ATP6V1E1: variants seen among roughly 807,000 people sequenced by gnomAD.
ATP6V1E1 encodes the protein V-type proton ATPase subunit E 1.
In ATP6V1E1, 21 loss-of-function variants were observed where a neutral mutation model predicts 35.2. The observed-to-expected ratio is 0.60, with a 90% CI of 0.42 to 0.86. The LOEUF is 0.86. Among genes scored for constraint, ATP6V1E1 ranks in the 40% least tolerant of loss-of-function variants. The probability of loss-of-function intolerance (pLI) is 0.00; values close to 1 mark genes in which losing one functional copy is unlikely to be tolerated. For missense variants in ATP6V1E1, 183 were observed against 272.6 expected (o/e 0.67, Z 2.32); for synonymous variants, 83 against 87.8 (o/e 0.95, Z 0.30).
chr22:17,592,773 C>A, intron 8 of ATP6V1E1, 37 bp from the exon 9 acceptor site: 1 of 1,503,112 alleles, frequency 6.7e-7, no homozygotes, highest in Middle Eastern at 1.7e-4. Context: ...GCAATGTCAG[C>A]TGAAGAAGTT....
chr22:17,610,010 T>C (rs5992079), intron 4 of ATP6V1E1, among the ~76,000 whole-genome samples: 2 of 151,908 alleles, frequency 1.3e-5, no homozygotes, highest in African/African-American at 4.8e-5. Flanking sequence ...TCTTGCCTGT[T>C]ATCCCAGCTA....
intron 4 of ATP6V1E1, among the ~76,000 whole-genome samples, chr22:17,605,221 AAAG>A (rs1240082612): frequency 2.2e-5 from 3 of 135,466 alleles, no homozygotes; most frequent in African/African-American, 8.6e-5. Context: ...AAAAAAAAAA[AAAG>A]AAAAGAAAAG....
Position 17,613,277 on chromosome 22 carries a change from G to T in ATP6V1E1, c.143C>A (p.Thr48Asn). The T allele has an allele frequency of 6.2e-7, 1 of 1,613,642 alleles. No homozygotes were observed. Among genetic ancestry groups the T allele is most frequent in the Non-Finnish European group, 8.5e-7 (1 of 1,179,946 alleles). ...ATATTCCATAATCTTTAGTCTTTGGGTTTGCACAAGCCGACCTTTCTCTAT... is the reference window on the plus strand; with the variant it reads ...ATATTCCATAATCTTTAGTCTTTGGTTTTGCACAAGCCGACCTTTCTCTAT... ...FNIEKGRLVQ[T>N]QRLKIMEYYE... Residue 48 changes from threonine to asparagine, a missense_variant, in exon 3 of 9, where the codon ACC becomes AAC. Coordinates refer to ENST00000253413, the MANE Select transcript of ATP6V1E1 (RefSeq NM_001696.4).
intron 7 of ATP6V1E1, among the ~76,000 whole-genome samples, chr22:17,597,788 G>A (rs146969071): frequency 6.0e-5 from 9 of 151,196 alleles, no homozygotes; most frequent in Non-Finnish European, 1.3e-4. Context: ...GCGCCACCAC[G>A]CTCAGCTAAT....
Position 17,594,555 on chromosome 22 carries a change from T to A in ATP6V1E1, c.592A>T (p.Ser198Cys), listed in dbSNP as rs1342192072. Reference protein sequence around the residue: ...RKIKVSNTLESRLDLIAQQMM... With the variant: ...RKIKVSNTLECRLDLIAQQMM... Reference sequence around the variant, plus strand: ...TGCTGGGCTATGAGATCCAGCCGGCTTTCCAGGGTGTTGGAAACCTTTATT... The same window carrying A: ...TGCTGGGCTATGAGATCCAGCCGGCATTCCAGGGTGTTGGAAACCTTTATT... Residue 198 changes from serine (S) to cysteine (C), a missense_variant, in exon 8 of 9, where the codon AGC becomes TGC. By Grantham distance (112) the Ser-to-Cys change is moderately radical. Coordinates refer to ENST00000253413, the MANE Select transcript of ATP6V1E1 (RefSeq NM_001696.4). The A allele has an allele frequency of 9.4e-6, 15 of 1,595,052 alleles. No individual in the cohort carries two copies. Among genetic ancestry groups the A allele is most frequent in the African/African-American group, 1.3e-5 (1 of 74,502 alleles).
At chr22:17,602,597 A>T (rs2057767185) in intron 4 of ATP6V1E1, among the ~76,000 whole-genome samples, 1 of 152,072 alleles carries the variant, frequency 6.6e-6, no homozygotes, top group African/African-American at 2.4e-5. Flanking sequence ...GGATGGTCTC[A>T]ATCTCCTAAC....
chr22:17,611,256 A>G (rs1356797676), intron 4 of ATP6V1E1, among the ~76,000 whole-genome samples: 1 of 152,216 alleles, frequency 6.6e-6, no homozygotes, highest in Non-Finnish European at 1.5e-5. Flanking sequence ...AGTTGTCCTG[A>G]GCTAGTAACA....
At chr22:17,616,558 A>G (rs531779624) in intron 2 of ATP6V1E1, among the ~76,000 whole-genome samples, 1 of 151,792 alleles carries the variant, frequency 6.6e-6, no homozygotes, top group East Asian at 2.0e-4. Flanking sequence ...ATGCGCCTGT[A>G]GTCCCAGCTA....
At chr22:17,624,059 G>A (rs1265879124) in intron 1 of ATP6V1E1, among the ~76,000 whole-genome samples, 3 of 152,008 alleles carry the variant, frequency 2.0e-5, no homozygotes, top group Non-Finnish European at 4.4e-5. Context: ...ATACTCCCCA[G>A]GAAAAAAGCA....
rs534871003 is a variant in ATP6V1E1 at position 17,621,443 on chromosome 22, G to A, written c.34-1917C>T. Among the ~76,000 whole-genome samples, 69 of 152,182 alleles carry A rather than the reference G, an allele frequency of 4.5e-4. 3 individuals carry two copies. The South Asian group carries it at 0.014, about 32-fold the overall frequency. On this transcript the variant is annotated intron_variant, in intron 1 of 8. Transcript: ENST00000253413. The stretch of plus-strand genomic sequence containing the variant: ...CCCCCGTAGCTGGGACCATAGGTGC[G>A]TGTCACCACGTCCAGCTTAATTTTG...
rs896311323 is a variant in ATP6V1E1, at chr22:17,592,163, A to C, written c.*511T>G. ...TGTAGTGCCTTACACTAGAAATCACATTAAATCCGCATAACTCTTTTAATA... is the reference window on the plus strand; with the variant it reads ...TGTAGTGCCTTACACTAGAAATCACCTTAAATCCGCATAACTCTTTTAATA... On this transcript the variant is annotated 3_prime_UTR_variant, in exon 9 of 9. Coordinates refer to ENST00000253413, the MANE Select transcript of ATP6V1E1 (RefSeq NM_001696.4). 6.5e-6 allele frequency: 1 copy of C among 153,756 alleles called. No individual in the cohort carries two copies. The highest frequency in any genetic ancestry group is 2.4e-5 in the African/African-American group (1 of 41,480). 9.5% of individuals were successfully genotyped at this position (153,756 alleles called of 1,614,324 possible).
chr22:17,604,294 A>G (rs939665525), intron 4 of ATP6V1E1, among the ~76,000 whole-genome samples: 19 of 152,304 alleles, frequency 1.2e-4, no homozygotes, highest in African/African-American at 4.6e-4. Context: ...CCACAGCAAC[A>G]TGTGTCTCTC....
At chr22:17,621,459 C>T (rs1250914406) in intron 1 of ATP6V1E1, among the ~76,000 whole-genome samples, 2 of 152,106 alleles carry the variant, frequency 1.3e-5, no homozygotes, top group Non-Finnish European at 2.9e-5. Flanking sequence ...CCACGTCCAG[C>T]TTAATTTTGT....
chr22:17,617,170 C>G (rs1194403401), intron 2 of ATP6V1E1, among the ~76,000 whole-genome samples: 1 of 152,086 alleles, frequency 6.6e-6, no homozygotes, highest in African/African-American at 2.4e-5. Flanking sequence ...AAATGATAAA[C>G]TAGTCAAATA....
At chr22:17,627,348 C>G (rs763491882) in intron 1 of ATP6V1E1, among the ~76,000 whole-genome samples, 4 of 148,064 alleles carry the variant, frequency 2.7e-5, no homozygotes, top group African/African-American at 5.0e-5. Flanking sequence ...AGGCTCGTCT[C>G]GAACTCCTGA....
Position 17,592,241 on chromosome 22 carries a change from A to G in ATP6V1E1, c.*433T>C, listed in dbSNP as rs988428709. The G allele has an allele frequency of 1.9e-5, 3 of 160,844 alleles. No individual in the cohort carries two copies. Among genetic ancestry groups the G allele is most frequent in the Non-Finnish European group, 4.1e-5 (3 of 73,356 alleles). 10.0% of individuals were successfully genotyped at this position (160,844 alleles called of 1,614,324 possible). A position where few individuals can be genotyped will look rare whatever the true frequency, so the allele number is the denominator to read the frequency against. ...TAAATCACATTTACAGATGAGGGAA[A>G]ACTTCTAGGCCTAAACAGGTAACAG... On this transcript the variant is annotated 3_prime_UTR_variant, in exon 9 of 9. Transcript: ENST00000253413.
chr22:17,623,628 G>A (rs1320003446), intron 1 of ATP6V1E1, among the ~76,000 whole-genome samples: 3 of 150,704 alleles, frequency 2.0e-5, no homozygotes, highest in Admixed American at 6.6e-5. Context: ...CCAAGATCAC[G>A]CCTGGGTGAC....
At chr22:17,603,458 G>A (rs12163168) in intron 4 of ATP6V1E1, among the ~76,000 whole-genome samples, 352 of 152,116 alleles carry the variant, frequency 2.3e-3, no homozygotes, top group African/African-American at 8.2e-3. Context: ...TGAGGCTGTC[G>A]TGAATGATAA....
At chr22:17,622,496 T>G (rs939285722) in intron 1 of ATP6V1E1, among the ~76,000 whole-genome samples, 1 of 152,094 alleles carries the variant, frequency 6.6e-6, no homozygotes, top group Non-Finnish European at 1.5e-5. Flanking sequence ...AAGAAAGCAC[T>G]ACTGGGTGGG....
Sources: allele counts gnomAD v4.1 joint callset (sites outside exome capture counted in the v4.1 genomes callset), GRCh38; gene constraint gnomAD v4.1.1; transcripts MANE v1.5; gene names NCBI Gene and HGNC (gene_info 2026-07-23, HGNC 2026-07-21).